The following KANSL1 variants were observed in gnomAD, a reference collection of about 807,000 sequenced individuals.
The protein encoded by KANSL1 is KAT8 regulatory NSL complex subunit 1.
In KANSL1, 22 loss-of-function variants were observed where a neutral mutation model predicts 103.6. That is an observed-to-expected ratio of 0.21 (90% CI 0.15 to 0.30). The LOEUF is 0.30. KANSL1 is among the 10% of genes least tolerant of loss of function. The pLI, the probability that KANSL1 is intolerant of heterozygous loss-of-function variation, is 1.00. For synonymous variants in KANSL1, 600 were observed against 527.6 expected, an observed-to-expected ratio of 1.14 and a Z score of -1.88; for missense variants, 1,337 against 1,399.8, an observed-to-expected ratio of 0.96 and a Z score of 0.72.
chr17:46,080,004 AAG>A (rs1228523299), intron 4 of KANSL1, among the ~76,000 whole-genome samples: 2 of 151,884 alleles, frequency 1.3e-5, no homozygotes, highest in Non-Finnish European at 2.9e-5. Flanking sequence ...AGAGAAAAAG[AAG>A]AGAGAGGGGA....
chr17:46,061,408 T>A (rs2078153216), intron 6 of KANSL1, among the ~76,000 whole-genome samples: 1 of 152,132 alleles, frequency 6.6e-6, no homozygotes, highest in Non-Finnish European at 1.5e-5. Context: ...CTACTTCACT[T>A]AGGCACTGGG....
chr17:46,074,520 G>A (rs1034215031), intron 4 of KANSL1, among the ~76,000 whole-genome samples: 2 of 151,992 alleles, frequency 1.3e-5, no homozygotes, highest in African/African-American at 2.4e-5. Context: ...AAAATATAAT[G>A]AGCAACAGAA....
chr17:46,129,062 C>A (rs1157626245), intron 2 of KANSL1, among the ~76,000 whole-genome samples: 1 of 151,742 alleles, frequency 6.6e-6, no homozygotes, highest in Non-Finnish European at 1.5e-5. Context: ...CAAGATTTGC[C>A]AATGGAATAG....
At chr17:46,109,698 C>T (rs1205690880) in intron 2 of KANSL1, among the ~76,000 whole-genome samples, 1 of 152,206 alleles carries the variant, frequency 6.6e-6, no homozygotes, top group Non-Finnish European at 1.5e-5. Flanking sequence ...AATGACATAA[C>T]ATTTTTAAAG....
rs562618126 is a variant in KANSL1 at position 46,179,281 on chromosome 17, G to GTT, written c.-89-7050_-89-7049insAA. ...AACGTATCCAGCTGCTTCAAATACTGTAAGTCAGAACTAACTCCACACCCA... is the reference window on the plus strand; with the variant it reads ...AACGTATCCAGCTGCTTCAAATACTGTTTAAGTCAGAACTAACTCCACACCCA... On this transcript the variant is annotated intron_variant, in intron 1 of 14. Coordinates refer to ENST00000432791, the MANE Select transcript of KANSL1 (RefSeq NM_015443.4). 7.4e-4 allele frequency among the ~76,000 whole-genome samples: 113 copies of GTT among 152,280 alleles called. No homozygotes were observed. The Middle Eastern group carries it at 0.017, about 23-fold the overall frequency.
chr17:46,077,296 G>A (rs1273090617), intron 4 of KANSL1, among the ~76,000 whole-genome samples: 6 of 152,200 alleles, frequency 3.9e-5, no homozygotes, highest in Admixed American at 2.0e-4. Context: ...CAAGCGACCC[G>A]CCCACCTTGG....
At chr17:46,085,801 A>AT (rs1312014009) in intron 3 of KANSL1, among the ~76,000 whole-genome samples, 3 of 151,888 alleles carry the variant, frequency 2.0e-5, no homozygotes, top group South Asian at 2.1e-4. Flanking sequence ...TAATTGTTCT[A>AT]TTTTTTGGTA....
chr17:46,110,362 C>A (rs926536731), intron 2 of KANSL1, among the ~76,000 whole-genome samples: 1 of 152,150 alleles, frequency 6.6e-6, no homozygotes, highest in African/African-American at 2.4e-5. Context: ...ACTGGTCTGG[C>A]ACATTACAGA....
chr17:46,198,639 G>A (rs1291294464), upstream of KANSL1, among the ~76,000 whole-genome samples: 2 of 152,172 alleles, frequency 1.3e-5, no homozygotes, highest in African/African-American at 4.8e-5. Flanking sequence ...GGCTGAGGCA[G>A]GAGAATCGCT....
chr17:46,188,104 A>G (rs896547775), intron 1 of KANSL1, among the ~76,000 whole-genome samples: 47 of 152,284 alleles, frequency 3.1e-4, no homozygotes, highest in African/African-American at 1.1e-3. Context: ...AATAATAGTT[A>G]CCCCCTGCCA....
chr17:46,159,777 C>G (rs1176974890), intron 2 of KANSL1, among the ~76,000 whole-genome samples: 1 of 152,214 alleles, frequency 6.6e-6, no homozygotes, highest in African/African-American at 2.4e-5. Context: ...TAAATCATCC[C>G]TTTCGAATGT....
At chr17:46,135,605 C>G (rs1367453204) in intron 2 of KANSL1, among the ~76,000 whole-genome samples, 1 of 146,404 alleles carries the variant, frequency 6.8e-6, no homozygotes, top group Admixed American at 7.1e-5. Context: ...AGTACGGAGC[C>G]ATAATCATGG....
At chr17:46,086,378 A>C (rs996225271) in intron 3 of KANSL1, among the ~76,000 whole-genome samples, 1 of 152,224 alleles carries the variant, frequency 6.6e-6, no homozygotes, top group Non-Finnish European at 1.5e-5. Flanking sequence ...AGGCCAATAC[A>C]TGGCAGAACT....
chr17:46,091,607 T>C (rs2079391321), intron 3 of KANSL1, among the ~76,000 whole-genome samples: 1 of 152,186 alleles, frequency 6.6e-6, no homozygotes, highest in Non-Finnish European at 1.5e-5. Flanking sequence ...ATTTTTATCT[T>C]TTCTACTACA....
At chr17:46,038,931 G>C (rs576887953) in intron 9 of KANSL1, 96 bp downstream of exon 9, 85 of 1,450,398 alleles carry the variant, frequency 5.9e-5, no homozygotes, top group Non-Finnish European at 7.5e-5. Context: ...AGAAAGTGAA[G>C]GACAAAGCTG....
intron 2 of KANSL1, among the ~76,000 whole-genome samples, chr17:46,136,737 T>C (rs907597204): frequency 1.3e-5 from 2 of 152,214 alleles, no homozygotes; most frequent in Non-Finnish European, 2.9e-5. Context: ...CATATCCTTC[T>C]TCCCAGGGTT....
chr17:46,179,390 C>G (rs1235286685), intron 1 of KANSL1, among the ~76,000 whole-genome samples: 1 of 152,190 alleles, frequency 6.6e-6, no homozygotes, highest in African/African-American at 2.4e-5. Flanking sequence ...ATCCACCTTG[C>G]AAAAATATTT....
chr17:46,032,977 G>T, intron 13 of KANSL1, 103 bp downstream of exon 13: 1 of 849,822 alleles, frequency 1.2e-6, no homozygotes, highest in Non-Finnish European at 1.8e-6. Flanking sequence ...TGAGTATGAT[G>T]AGCAACCAAG....
intron 6 of KANSL1, among the ~76,000 whole-genome samples, chr17:46,059,641 A>AGAGAG (rs1382882759): frequency 6.1e-4 from 16 of 26,028 alleles, no homozygotes; most frequent in Admixed American, 5.6e-4. Flanking sequence ...AAAAAAAAAA[A>AGAGAG]AAAAAAAGAG....
Sources: allele counts gnomAD v4.1 joint callset (sites outside exome capture counted in the v4.1 genomes callset), GRCh38; gene constraint gnomAD v4.1.1; transcripts MANE v1.5; gene names NCBI Gene and HGNC (gene_info 2026-07-23, HGNC 2026-07-21).